The following DNAJC1 variants were observed in gnomAD, a reference collection of about 807,000 sequenced individuals.
The protein encoded by DNAJC1 is dnaJ homolog subfamily C member 1.
Under a neutral mutation model 76.6 loss-of-function variants are expected in DNAJC1, and 58 were observed. The observed-to-expected ratio is 0.76, with a 90% CI of 0.61 to 0.94. DNAJC1 has a LOEUF of 0.94. Ranked by LOEUF, DNAJC1 falls within the 40% of genes least tolerant of loss-of-function variation. DNAJC1 has a pLI of 0.00. For missense variants in DNAJC1, 689 were observed against 677.3 expected (o/e 1.02, Z -0.19); for synonymous variants, 258 against 267.9 (o/e 0.96, Z 0.36).
intron 9 of DNAJC1, among the ~76,000 whole-genome samples, chr10:21,792,152 A>G (rs1187899011): frequency 6.6e-6 from 1 of 152,208 alleles, no homozygotes; most frequent in African/African-American, 2.4e-5. Flanking sequence ...GAAATTACTA[A>G]AATTTAATCA....
At chr10:21,812,037 T>G (rs74443140) in intron 8 of DNAJC1, among the ~76,000 whole-genome samples, 165 of 152,254 alleles carry the variant, frequency 1.1e-3, no homozygotes, top group African/African-American at 3.9e-3. Context: ...TGGTAATAAT[T>G]TGCATTTCCC....
intron 9 of DNAJC1, among the ~76,000 whole-genome samples, chr10:21,794,845 T>C (rs185786186): frequency 2.4e-4 from 36 of 152,292 alleles, no homozygotes; most frequent in Non-Finnish European, 1.8e-4. Flanking sequence ...GTCCATAATA[T>C]ACAGGTTGAG....
rs146226777 is a variant in DNAJC1 at position 21,883,388 on chromosome 10, G to A, written c.821-949C>T. ...CATAAGAGTATTTTCACCACCCCAT[G>A]TGTACGTGTGTATGTGTGTATTTGC... On this transcript the variant is annotated intron_variant, in intron 7 of 11. Transcript: ENST00000376980. Among the ~76,000 whole-genome samples, 259 of 152,002 alleles carry A rather than the reference G, an allele frequency of 1.7e-3. No homozygotes were observed. The Middle Eastern group carries it at 0.027, about 16-fold the overall frequency.
At chr10:21,765,568 T>C (rs1354674732) in intron 10 of DNAJC1, among the ~76,000 whole-genome samples, 1 of 152,140 alleles carries the variant, frequency 6.6e-6, no homozygotes, top group Non-Finnish European at 1.5e-5. Flanking sequence ...TAAATGGGGC[T>C]GAGCACGGTG....
intron 9 of DNAJC1, among the ~76,000 whole-genome samples, chr10:21,799,891 C>G (rs1834795133): frequency 6.6e-6 from 1 of 152,194 alleles, no homozygotes; most frequent in Non-Finnish European, 1.5e-5. Flanking sequence ...ACTGTGAAGG[C>G]ACTGTTCCCT....
chr10:21,769,330 A>G (rs1243912430), intron 9 of DNAJC1, among the ~76,000 whole-genome samples: 2 of 152,248 alleles, frequency 1.3e-5, no homozygotes, highest in Admixed American at 6.5e-5. Context: ...TGCAATAGGC[A>G]CTGTTCTAAA....
In DNAJC1 at chr10:21,997,068, A is replaced by G. The variant is rs565270206; in HGVS notation, c.222+6145T>C. Reference sequence around the variant, plus strand: ...ACACAACACACATGTACAAAGGAATAGACTCCACAGAGAAAGACTGAACTA... The same window carrying G: ...ACACAACACACATGTACAAAGGAATGGACTCCACAGAGAAAGACTGAACTA... On this transcript the variant is annotated intron_variant, in intron 1 of 11. Coordinates refer to ENST00000376980, the MANE Select transcript of DNAJC1 (RefSeq NM_022365.4). Among the ~76,000 whole-genome samples the G allele has an allele frequency of 7.9e-5, 12 of 152,348 alleles. No individual in the cohort carries two copies. In the South Asian group the frequency reaches 2.5e-3, roughly 32 times the overall value.
At chr10:21,942,805 CAA>C (rs540122534) in intron 1 of DNAJC1, among the ~76,000 whole-genome samples, 3 of 45,410 alleles carry the variant, frequency 6.6e-5, no homozygotes, top group Admixed American at 2.4e-4. Context: ...GACTCCATCT[CAA>C]AAAAAAAAAA....
intron 8 of DNAJC1, among the ~76,000 whole-genome samples, chr10:21,835,548 G>A (rs1420466913): frequency 7.2e-5 from 11 of 152,224 alleles, no homozygotes; most frequent in South Asian, 2.1e-4. Flanking sequence ...GAGGAAATTC[G>A]AACCAACGGC....
chr10:21,834,420 A>G (rs1783911160), intron 8 of DNAJC1, among the ~76,000 whole-genome samples: 1 of 152,164 alleles, frequency 6.6e-6, no homozygotes, highest in Admixed American at 6.5e-5. Context: ...TGATTTCTGC[A>G]TTTTCAACTG....
chr10:21,889,693 T>C (rs1003441005), intron 7 of DNAJC1, among the ~76,000 whole-genome samples: 3 of 152,050 alleles, frequency 2.0e-5, no homozygotes, highest in African/African-American at 7.2e-5. Context: ...CTGCAGAAAC[T>C]AGCAACCCAG....
intron 8 of DNAJC1, among the ~76,000 whole-genome samples, chr10:21,826,373 C>A (rs533111287): frequency 3.0e-4 from 45 of 151,978 alleles, no homozygotes; most frequent in Non-Finnish European, 5.9e-4. Context: ...CCAGGCTGGT[C>A]TTGAACTCCT....
intron 1 of DNAJC1, among the ~76,000 whole-genome samples, chr10:21,963,189 C>G (rs1837829347): frequency 6.6e-6 from 1 of 152,184 alleles, no homozygotes; most frequent in Non-Finnish European, 1.5e-5. Context: ...CAGAAATATG[C>G]ATATGTCTCA....
chr10:21,998,389 C>CAAAAAAAAA (rs60371730), intron 1 of DNAJC1, among the ~76,000 whole-genome samples: 21 of 95,738 alleles, frequency 2.2e-4, no homozygotes, highest in East Asian at 2.9e-4. Flanking sequence ...GACTCCATCT[C>CAAAAAAAAA]AAAAAAAAAA....
intron 1 of DNAJC1, chr10:21,933,505 A>G (rs1193806694): frequency 6.6e-6 from 1 of 152,208 alleles, no homozygotes; most frequent in Non-Finnish European, 1.5e-5. Context: ...ATGCTCAGAA[A>G]GACTTGAGAA....
At chr10:21,837,243 C>T (rs1042410892) in intron 8 of DNAJC1, among the ~76,000 whole-genome samples, 10 of 152,188 alleles carry the variant, frequency 6.6e-5, no homozygotes, top group Non-Finnish European at 1.0e-4. Flanking sequence ...AGTGCAGTGG[C>T]GTGATCTCGG....
chr10:21,967,930 ATGT>A (rs1391956512), intron 1 of DNAJC1, among the ~76,000 whole-genome samples: 11 of 152,218 alleles, frequency 7.2e-5, no homozygotes, highest in African/African-American at 2.7e-4. Flanking sequence ...AAGTTAGTAC[ATGT>A]TGTTTCCAGC....
At chr10:21,916,723 C>A (rs1836961927) in intron 6 of DNAJC1, among the ~76,000 whole-genome samples, 1 of 151,974 alleles carries the variant, frequency 6.6e-6, no homozygotes, top group South Asian at 2.1e-4. Context: ...ATACAAAGGT[C>A]ATCACATACT....
intron 1 of DNAJC1, among the ~76,000 whole-genome samples, chr10:21,945,324 G>T (rs1425077415): frequency 6.6e-6 from 1 of 152,168 alleles, no homozygotes; most frequent in African/African-American, 2.4e-5. Context: ...AAAATGAAGG[G>T]AAATTTTCAA....
Sources: allele counts gnomAD v4.1 joint callset (sites outside exome capture counted in the v4.1 genomes callset), GRCh38; gene constraint gnomAD v4.1.1; transcripts MANE v1.5; gene names NCBI Gene and HGNC (gene_info 2026-07-23, HGNC 2026-07-21).